The following FHDC1 variants were observed in gnomAD, a reference collection of about 807,000 sequenced individuals.
FHDC1 encodes FH2 domain containing 1.
FHDC1 carries 25 observed loss-of-function variants against 52.6 expected under a neutral mutation model. The ratio of observed to expected loss-of-function variants is 0.48; its 90% CI spans 0.35 to 0.66. FHDC1 has a LOEUF of 0.66. FHDC1 is among the 30% of genes least tolerant of loss of function. The pLI is 0.01. For missense variants in FHDC1, 1,459 were observed against 1,452.8 expected (o/e 1.00, Z -0.07); for synonymous variants, 616 against 581.5 (o/e 1.06, Z -0.85).
chr4:152,921,603 T>A, the FHDC1 span, among the ~76,000 whole-genome samples: 2 of 125,384 alleles, frequency 1.6e-5, no homozygotes, highest in Non-Finnish European at 3.3e-5. Context: ...CCTCCCTCCC[T>A]CCCTCCCTTC....
chr4:152,912,765 G>A, the FHDC1 span, among the ~76,000 whole-genome samples: 7 of 152,252 alleles, frequency 4.6e-5, no homozygotes, highest in Admixed American at 6.5e-5. Context: ...TAAAATAGAA[G>A]TTGTTATTCT....
chr4:152,974,897 ACCCGCCGCT>A lies in FHDC1; in HGVS notation c.1613_1621del (p.Arg538_Arg540del). The A allele has an allele frequency of 6.4e-7, 1 of 1,556,452 alleles. No homozygotes were observed. The highest frequency in any genetic ancestry group is 1.9e-5 in the Admixed American group (1 of 53,210). ...CAGCCCCTCCTACCGGCCCCCGAAC[ACCCGCCGCT>A]CCCGCCTCTCCCTGGGTCCCTCTGC... On this transcript the variant is annotated inframe_deletion, in exon 12 of 12. Coordinates refer to ENST00000511601, the MANE Select transcript of FHDC1 (RefSeq NM_001371116.1).
intron 1 of FHDC1, among the ~76,000 whole-genome samples, chr4:152,941,085 A>G (rs1236011255): frequency 6.6e-6 from 1 of 152,214 alleles, no homozygotes; most frequent in Non-Finnish European, 1.5e-5. Context: ...TGCACACTTA[A>G]AAGTGGTGAA....
chr4:152,937,292 C>T (rs1251839664), intron 1 of FHDC1, among the ~76,000 whole-genome samples: 1 of 152,164 alleles, frequency 6.6e-6, no homozygotes, highest in African/African-American at 2.4e-5. Flanking sequence ...GAGCGCGCGG[C>T]CGCCGCAGAC....
Position 152,975,090 on chromosome 4 carries a change from A to G in FHDC1, c.1799A>G (p.His600Arg). Residue 600 changes from histidine to arginine, a missense_variant, in exon 12 of 12, where the codon CAC becomes CGC. Physicochemically the swap from His to Arg is conservative, Grantham distance 29. Around this residue, in one of 3 missense-constraint regions of FHDC1, gnomAD observed 939 missense variants for 854.5 expected, o/e 1.10. Transcript: ENST00000511601. Reference protein sequence around the residue: ...EVRHQDSSFAHKPQASGGQEE... With the variant: ...EVRHQDSSFARKPQASGGQEE... ...AGGCACCAGGACTCCAGCTTTGCACACAAACCTCAGGCCTCGGGGGGCCAG... is the reference window on the plus strand; with the variant it reads ...AGGCACCAGGACTCCAGCTTTGCACGCAAACCTCAGGCCTCGGGGGGCCAG... The G allele has an allele frequency of 3.7e-6, 6 of 1,612,706 alleles. No individual in the cohort carries two copies. The highest frequency in any genetic ancestry group is 5.1e-6 in the Non-Finnish European group (6 of 1,179,888).
the FHDC1 span, among the ~76,000 whole-genome samples, chr4:152,930,212 A>G: frequency 6.6e-6 from 1 of 152,198 alleles, no homozygotes; most frequent in Non-Finnish European, 1.5e-5. Context: ...TACTTGGAAA[A>G]CAAGCAACAT....
the FHDC1 span, among the ~76,000 whole-genome samples, chr4:152,912,643 TAATG>T: frequency 1.3e-5 from 2 of 152,214 alleles, no homozygotes; most frequent in Admixed American, 6.5e-5. Context: ...TAAAATGAAA[TAATG>T]AAAGAGAAAA....
intron 2 of FHDC1, among the ~76,000 whole-genome samples, chr4:152,946,781 C>A (rs183308026): frequency 6.6e-6 from 1 of 152,256 alleles, no homozygotes; most frequent in East Asian, 1.9e-4. Flanking sequence ...CAGAAACAGC[C>A]CGACATTATG....
the FHDC1 span, among the ~76,000 whole-genome samples, chr4:152,913,579 A>G: frequency 3.3e-5 from 5 of 152,218 alleles, no homozygotes; most frequent in South Asian, 2.1e-4. Flanking sequence ...CCTATTTGCA[A>G]TAGTCCTAAA....
At position 152,943,242 on chromosome 4, in the gene FHDC1, C is replaced by T. The variant is rs1450503063; in HGVS notation, c.185C>T (p.Pro62Leu). ...TGTCCTTCCTCCCCTCCTCCACCCC[C>T]ACCACCTCCACTTCCTGGGGAGCCT... ...EECPSSPPPP[P>L]PPPLPGEPPI... The change falls in exon 2 of 12, where the codon CCA becomes CTA. Residue 62 changes from proline (P) to leucine (L), a missense_variant. Around this residue, in one of 3 missense-constraint regions of FHDC1, gnomAD observed 513 missense variants for 581.5 expected, o/e 0.88. Transcript: ENST00000511601. The T allele has an allele frequency of 3.7e-6, 6 of 1,608,478 alleles. No homozygotes were observed. The East Asian group carries it at 8.9e-5, about 24-fold the overall frequency.
intron 2 of FHDC1, among the ~76,000 whole-genome samples, chr4:152,952,720 C>G (rs1424659683): frequency 6.6e-6 from 1 of 152,076 alleles, no homozygotes; most frequent in Admixed American, 6.6e-5. Flanking sequence ...TTTGGTATCC[C>G]CAGGGGTCCT....
At chr4:152,946,784 A>G (rs1455866248) in intron 2 of FHDC1, among the ~76,000 whole-genome samples, 2 of 152,238 alleles carry the variant, frequency 1.3e-5, no homozygotes, top group Non-Finnish European at 2.9e-5. Context: ...AAACAGCCCG[A>G]CATTATGTGA....
At chr4:152,919,799 G>A in the FHDC1 span, among the ~76,000 whole-genome samples, 22 of 152,024 alleles carry the variant, frequency 1.4e-4, no homozygotes, top group Non-Finnish European at 2.1e-4. Flanking sequence ...AGTTAATAAC[G>A]AGTTAGCCTA....
the FHDC1 span, among the ~76,000 whole-genome samples, chr4:152,930,240 G>A: frequency 2.6e-5 from 4 of 152,212 alleles, no homozygotes; most frequent in African/African-American, 7.2e-5. Flanking sequence ...CAGATTAAGT[G>A]TAAACTTCTT....
At chr4:152,914,968 TG>T in the FHDC1 span, among the ~76,000 whole-genome samples, 222 of 152,258 alleles carry the variant, frequency 1.5e-3, no homozygotes, top group Non-Finnish European at 2.9e-3. Flanking sequence ...CCAGCCTTCC[TG>T]AAAAGTTTTT....
In FHDC1 at chr4:152,964,896, T is replaced by C; in HGVS notation, c.1030-9T>C. On this transcript the variant is annotated splice_polypyrimidine_tract_variant and intron_variant, in intron 8 of 11. Transcript: ENST00000511601. ...AACATAGTGAGATAAAATTCTGTTT[T>C]TGTTCCAGGAAGCCCAAAAGAAAGA... 1 of 1,608,882 alleles carries C rather than the reference T, an allele frequency of 6.2e-7. No homozygotes were observed. Among genetic ancestry groups the C allele is most frequent in the Non-Finnish European group, 8.5e-7 (1 of 1,178,136 alleles).
intron 4 of FHDC1, among the ~76,000 whole-genome samples, chr4:152,960,052 G>T (rs1452517781): frequency 6.6e-6 from 1 of 152,154 alleles, no homozygotes; most frequent in Non-Finnish European, 1.5e-5. Flanking sequence ...TGTGAAGTGG[G>T]ATTTGACCAC....
At chr4:152,944,873 C>A (rs774266768) in intron 2 of FHDC1, among the ~76,000 whole-genome samples, 9 of 152,324 alleles carry the variant, frequency 5.9e-5, no homozygotes, top group Admixed American at 2.6e-4. Flanking sequence ...AGCAAGAAGT[C>A]ATTTCCTTAG....
At chr4:152,922,706 C>G in the FHDC1 span, among the ~76,000 whole-genome samples, 2 of 151,778 alleles carry the variant, frequency 1.3e-5, no homozygotes, top group African/African-American at 4.8e-5. Context: ...GTTCAATATA[C>G]GCAAATCAAT....
Sources: allele counts gnomAD v4.1 joint callset (sites outside exome capture counted in the v4.1 genomes callset), GRCh38; gene constraint gnomAD v4.1.1; regional missense constraint gnomAD v4.1.1; transcripts MANE v1.5; gene names NCBI Gene and HGNC (gene_info 2026-07-23, HGNC 2026-07-21).